Variants in AP3S1 observed in about 807,000 individuals in gnomAD.
AP3S1 encodes the protein adaptor related protein complex 3 subunit sigma 1, also known as AP-3 complex subunit sigma-1.
AP3S1 carries 12 observed loss-of-function variants against 21.3 expected under a neutral mutation model. That is an observed-to-expected ratio of 0.56 (90% CI 0.36 to 0.91). AP3S1 has a LOEUF of 0.91. Among genes scored for constraint, AP3S1 ranks in the 40% least tolerant of loss-of-function variants. The pLI is 0.01. For synonymous variants in AP3S1, 48 were observed against 78.4 expected, an observed-to-expected ratio of 0.61 and a Z score of 2.05; for missense variants, 116 against 225.0, an observed-to-expected ratio of 0.52 and a Z score of 3.10.
chr5:115,853,753 G>A (rs909931720), intron 1 of AP3S1, among the ~76,000 whole-genome samples: 8 of 152,024 alleles, frequency 5.3e-5, no homozygotes, highest in Admixed American at 5.2e-4. Context: ...TTACTCCAAG[G>A]TTTCCTCCCA....
At chr5:115,855,025 A>ATCTG (rs1173751056) in intron 1 of AP3S1, among the ~76,000 whole-genome samples, 4 of 146,828 alleles carry the variant, frequency 2.7e-5, no homozygotes, top group African/African-American at 1.1e-4. Flanking sequence ...TTTTATATCT[A>ATCTG]TCTATCTATC....
intron 1 of AP3S1, among the ~76,000 whole-genome samples, chr5:115,847,632 AAT>A: frequency 6.6e-6 from 1 of 152,258 alleles, no homozygotes; most frequent in Non-Finnish European, 1.5e-5. Context: ...AATTTAAAAA[AAT>A]ATATGTTTTT....
intron 3 of AP3S1, among the ~76,000 whole-genome samples, chr5:115,887,451 C>A (rs1749895327): frequency 6.7e-6 from 1 of 150,304 alleles, no homozygotes; most frequent in Admixed American, 6.6e-5. Context: ...ACCCAGAAAC[C>A]AATTTTTTTT....
At chr5:115,843,485 A>C (rs1372621060) in intron 1 of AP3S1, among the ~76,000 whole-genome samples, 1 of 152,208 alleles carries the variant, frequency 6.6e-6, no homozygotes, top group African/African-American at 2.4e-5. Context: ...GGTCTGTTTA[A>C]AAATTCTACA....
chr5:115,873,342 G>A (rs147673922), intron 3 of AP3S1, among the ~76,000 whole-genome samples: 1,676 of 152,226 alleles, frequency 0.011, 12 homozygotes, highest in Middle Eastern at 0.027. Context: ...TGCTTCACAC[G>A]TTGATCACTT....
intron 1 of AP3S1, among the ~76,000 whole-genome samples, chr5:115,863,177 A>T (rs1191376949): frequency 6.6e-6 from 1 of 152,086 alleles, no homozygotes; most frequent in Non-Finnish European, 1.5e-5. Flanking sequence ...AGGCGGGTGG[A>T]TCACCTCGGT....
chr5:115,875,535 C>T lies in AP3S1; in HGVS notation c.273+5407C>T, dbSNP rs534804435. ...GTTTTTTAAAATTGCCTAGGAAAAC[C>T]GACTGTCCAGCACTTGGAAATTGTG... On this transcript the variant is annotated intron_variant, in intron 3 of 5. Coordinates refer to ENST00000316788, the MANE Select transcript of AP3S1 (RefSeq NM_001284.4). Among the ~76,000 whole-genome samples, 10 of 152,196 alleles carry T rather than the reference C, an allele frequency of 6.6e-5. No individual in the cohort carries two copies. The South Asian group carries it at 1.9e-3, about 28-fold the overall frequency.
At chr5:115,852,735 G>C (rs1250847438) in intron 1 of AP3S1, among the ~76,000 whole-genome samples, 2 of 152,108 alleles carry the variant, frequency 1.3e-5, no homozygotes, top group South Asian at 4.1e-4. Context: ...CTTGTGATTG[G>C]CTTCTTTTAC....
At chr5:115,867,179 T>C (rs1763696757) in intron 2 of AP3S1, among the ~76,000 whole-genome samples, 1 of 152,166 alleles carries the variant, frequency 6.6e-6, no homozygotes, top group Non-Finnish European at 1.5e-5. Flanking sequence ...GATCACACTT[T>C]GTATGCTCAT....
intron 1 of AP3S1, among the ~76,000 whole-genome samples, chr5:115,866,408 T>C (rs1203085745): frequency 2.0e-5 from 3 of 152,230 alleles, no homozygotes; most frequent in African/African-American, 7.2e-5. Flanking sequence ...ATTCATCTAA[T>C]ATTTTTTCTT....
intron 3 of AP3S1, among the ~76,000 whole-genome samples, chr5:115,880,123 A>G (rs1580689628): frequency 1.3e-5 from 2 of 151,960 alleles, no homozygotes; most frequent in African/African-American, 4.8e-5. Flanking sequence ...CTAGTGGTCT[A>G]TATATTTTGT....
At chr5:115,844,018 C>T (rs1761869450) in intron 1 of AP3S1, among the ~76,000 whole-genome samples, 1 of 152,164 alleles carries the variant, frequency 6.6e-6, no homozygotes, top group Non-Finnish European at 1.5e-5. Context: ...CTGGTGGTCA[C>T]TGGCCGTTTA....
Position 115,879,053 on chromosome 5 carries a change from C to T in AP3S1, c.273+8925C>T, listed in dbSNP as rs574234311. 1.6e-4 allele frequency among the ~76,000 whole-genome samples: 25 copies of T among 152,240 alleles called. 1 individual carries two copies. The South Asian group carries it at 4.8e-3, about 29-fold the overall frequency. The stretch of plus-strand genomic sequence containing the variant: ...GACTTTTGCACATTGGTTTTGTATC[C>T]TGAGACTTTGCTGAAGTTACTTATC... On this transcript the variant is annotated intron_variant, in intron 3 of 5. Transcript: ENST00000316788.
chr5:115,842,169 C>A (rs1761626616), intron 1 of AP3S1, 63 bp downstream of exon 1: 1 of 1,514,290 alleles, frequency 6.6e-7, no homozygotes, highest in Non-Finnish European at 8.9e-7. Flanking sequence ...CAGCGCCCAG[C>A]GCGGCTTTCT....
intron 1 of AP3S1, among the ~76,000 whole-genome samples, chr5:115,849,983 T>C (rs1762323396): frequency 1.3e-5 from 2 of 152,200 alleles, no homozygotes; most frequent in Non-Finnish European, 2.9e-5. Flanking sequence ...GATCAAGCTT[T>C]CGTAAGTCAC....
intron 2 of AP3S1, among the ~76,000 whole-genome samples, chr5:115,867,241 C>G (rs1462252973): frequency 2.0e-5 from 3 of 152,128 alleles, no homozygotes; most frequent in Non-Finnish European, 4.4e-5. Context: ...AGAAACACAT[C>G]TAGGACAAGC....
intron 3 of AP3S1, among the ~76,000 whole-genome samples, chr5:115,891,368 C>T (rs1215589986): frequency 1.3e-5 from 2 of 152,044 alleles, no homozygotes; most frequent in African/African-American, 2.4e-5. Context: ...ACAGTATCTA[C>T]GTGGGGATAG....
At chr5:115,859,897 C>T (rs943112465) in intron 1 of AP3S1, among the ~76,000 whole-genome samples, 2 of 152,158 alleles carry the variant, frequency 1.3e-5, no homozygotes, top group African/African-American at 4.8e-5. Flanking sequence ...CCCATGTTTT[C>T]AGTGTGGTCC....
chr5:115,910,468 G>T (rs1251501497), intron 5 of AP3S1, among the ~76,000 whole-genome samples: 2 of 151,626 alleles, frequency 1.3e-5, no homozygotes, highest in East Asian at 3.9e-4. Context: ...AAAGTTAAGT[G>T]TTAGTAAAAG....
Sources: allele counts gnomAD v4.1 joint callset (sites outside exome capture counted in the v4.1 genomes callset), GRCh38; gene constraint gnomAD v4.1.1; transcripts MANE v1.5; gene names NCBI Gene and HGNC (gene_info 2026-07-23, HGNC 2026-07-21).